The following SH2D5 variants were observed in gnomAD, a reference collection of about 807,000 sequenced individuals.
SH2D5 encodes the protein SH2 domain containing 5, also known as SH2 domain-containing protein 5.
Under a neutral mutation model 48.2 loss-of-function variants are expected in SH2D5, and 45 were observed. That is an observed-to-expected ratio of 0.93 (90% CI 0.73 to 1.20). The LOEUF (loss-of-function observed/expected upper bound fraction) is 1.20. Among genes scored for constraint, SH2D5 ranks in the 50% most tolerant of loss-of-function variants. The pLI is 0.00. For missense variants in SH2D5, 538 were observed against 584.1 expected, an observed-to-expected ratio of 0.92 and a Z score of 0.81; for synonymous variants, 230 against 249.8, an observed-to-expected ratio of 0.92 and a Z score of 0.75.
At chr1:20,722,636 CA>C in intron 9 of SH2D5, 119 bp downstream of exon 9, 1 of 1,073,986 alleles carries the variant, frequency 9.3e-7, no homozygotes, top group Non-Finnish European at 1.3e-6. Context: ...CAATGGGAGA[CA>C]GGGATGGGGG....
At chr1:20,723,837 T>G in intron 7 of SH2D5, 103 bp from the exon 8 acceptor site, 1 of 1,060,970 alleles carries the variant, frequency 9.4e-7, no homozygotes, top group Middle Eastern at 2.6e-4. Context: ...CAAGCCTCTC[T>G]ACCCTGCTCA....
At position 20,729,704 on chromosome 1, in the gene SH2D5, T is replaced by C. The variant is rs969324491; in HGVS notation, c.-42-1618A>G. On this transcript the variant is annotated intron_variant, in intron 1 of 9. Coordinates refer to ENST00000444387, the MANE Select transcript of SH2D5 (RefSeq NM_001103161.2). The surrounding 1 kb of genome is among the most constrained non-coding windows in gnomAD (Gnocchi z 4.2). ...TCCCACTCAAGGAGGAGGGCTGGGG[T>C]GCTTTGGAACTGACTCTGTTAGCAC... Among the ~76,000 whole-genome samples, 1 of 151,568 alleles carries C rather than the reference T, an allele frequency of 6.6e-6. No homozygotes were observed. The highest frequency in any genetic ancestry group is 6.6e-5 in the Admixed American group (1 of 15,176).
chr1:20,726,070 G>T lies in SH2D5; in HGVS notation c.244-4C>A. The stretch of plus-strand genomic sequence containing the variant: ...GGGCATGAGCCATCAGCAGCACCTG[G>T]CGAGGCAGCAGTGTGAGGCCCCCAT... On this transcript the variant is annotated splice_region_variant and splice_polypyrimidine_tract_variant and intron_variant, in intron 4 of 9. Transcript: ENST00000444387. 1 of 1,593,172 alleles carries T rather than the reference G, an allele frequency of 6.3e-7. No individual in the cohort carries two copies. The highest frequency in any genetic ancestry group is 8.5e-7 in the Non-Finnish European group (1 of 1,170,396).
At chr1:20,726,166 C>T (rs1000236633) in intron 4 of SH2D5, 100 bp from the exon 5 acceptor site, 8 of 1,391,758 alleles carry the variant, frequency 5.7e-6, no homozygotes, top group Non-Finnish European at 7.7e-6. Context: ...TCCTTCCAGG[C>T]CCGCCCAGTC....
rs996952058 is a variant in SH2D5, at chr1:20,727,324, G to T, written c.168+199C>A. ...ACATCTCCATCTGTGGCTTCCAGCT[G>T]TGGGGCCCAGGTCACAGTAGCCCAG... On this transcript the variant is annotated intron_variant, in intron 3 of 9. Transcript: ENST00000444387. The T allele has an allele frequency of 2.4e-5, 15 of 636,396 alleles. No individual in the cohort carries two copies. In the African/African-American group the frequency reaches 2.4e-4, roughly 10 times the overall value. 39.4% of individuals were successfully genotyped at this position (636,396 alleles called of 1,614,324 possible). A position where few individuals can be genotyped will look rare whatever the true frequency, so the allele number is the denominator to read the frequency against.
Position 20,727,983 on chromosome 1 carries a change from G to A in SH2D5, c.62C>T (p.Pro21Leu), listed in dbSNP as rs761263341. 1.3e-6 allele frequency: 2 copies of A among 1,572,338 alleles called. No homozygotes were observed. The highest frequency in any genetic ancestry group is 1.2e-5 in the South Asian group (1 of 85,650). ...CTGGGCAAACTTGGTGATGCACCTG[G>A]GCCGGTGAGGGGCCAGCCCGCAGTC... ...ASDCGLAPHR[P>L]RCITKFAQYV... The change falls in exon 2 of 10, where the codon CCC (proline) becomes CTC (leucine). Residue 21 changes from proline (P) to leucine (L), a missense_variant. By Grantham distance (98) the Pro-to-Leu change is moderately conservative (BLOSUM62 -3). Coordinates refer to ENST00000444387, the MANE Select transcript of SH2D5 (RefSeq NM_001103161.2).
chr1:20,721,919 G>A lies in SH2D5; in HGVS notation c.1145C>T (p.Pro382Leu). 6.2e-7 allele frequency: 1 copy of A among 1,613,220 alleles called. No individual in the cohort carries two copies. Among genetic ancestry groups the A allele is most frequent in the Non-Finnish European group, 8.5e-7 (1 of 1,179,996 alleles). The change falls in exon 10 of 10, where the codon CCC becomes CTC. Residue 382 changes from proline to leucine, a missense_variant. Coordinates refer to ENST00000444387, the MANE Select transcript of SH2D5 (RefSeq NM_001103161.2). ...HAVTERSLFC[P>L]LDMGRLNPTY... ...GGGGTTCAGGCGGCCCATGTCGAGG[G>A]GACAGAAGAGGCTACGTTCAGTAAC...
In SH2D5 at chr1:20,729,962, C is replaced by T. The variant is rs2054875595; in HGVS notation, c.-42-1876G>A. On this transcript the variant is annotated intron_variant, in intron 1 of 9. Coordinates refer to ENST00000444387, the MANE Select transcript of SH2D5 (RefSeq NM_001103161.2). The surrounding 1 kb of genome is among the most constrained non-coding windows in gnomAD (Gnocchi z 4.2). ...GATCATTTTCATGTCATATCCTTTA[C>T]CTACTGTATCTTTTATGTTTAAATA... Among the ~76,000 whole-genome samples, 1 of 152,216 alleles carries T rather than the reference C, an allele frequency of 6.6e-6. No homozygotes were observed. The highest frequency in any genetic ancestry group is 1.5e-5 in the Non-Finnish European group (1 of 68,038).
chr1:20,728,173 G>T lies in SH2D5; in HGVS notation c.-42-87C>A. The T allele has an allele frequency of 3.0e-6, 2 of 661,988 alleles. No individual in the cohort carries two copies. Among genetic ancestry groups the T allele is most frequent in the African/African-American group, 3.6e-5 (2 of 55,530 alleles). 41.0% of individuals were successfully genotyped at this position (661,988 alleles called of 1,614,324 possible). Reference sequence around the variant, plus strand: ...CAGGCCATTCATTCACTGGCTTCCTGAGCAGCTGCTATGTGTGCAGCACGG... The same window carrying T: ...CAGGCCATTCATTCACTGGCTTCCTTAGCAGCTGCTATGTGTGCAGCACGG... On this transcript the variant is annotated intron_variant, in intron 1 of 9. Transcript: ENST00000444387. The surrounding 1 kb of genome is among the most constrained non-coding windows in gnomAD (Gnocchi z 4.3).
At chr1:20,726,884 C>T in intron 4 of SH2D5, 117 bp downstream of exon 4, 1 of 835,306 alleles carries the variant, frequency 1.2e-6, no homozygotes, top group Non-Finnish European at 1.8e-6. Flanking sequence ...CCAGGGGGAC[C>T]CCAGGGGAAG....
rs2054929783 is a variant in SH2D5 at position 20,732,604 on chromosome 1, A to C, written c.-466T>G. Reference sequence around the variant, plus strand: ...TGAAGGATCGAGCCTGGCTCGGAGGAGGCGCTCAGGGTGGTTCGGGCCCGG... The same window carrying C: ...TGAAGGATCGAGCCTGGCTCGGAGGCGGCGCTCAGGGTGGTTCGGGCCCGG... On this transcript the variant is annotated 5_prime_UTR_variant, in exon 1 of 10. Transcript: ENST00000444387. This position sits in a 1 kb window ranked among gnomAD's most constrained non-coding sequence, Gnocchi z 5.1. The C allele has an allele frequency of 6.6e-6, 1 of 152,034 alleles. No individual in the cohort carries two copies. Among genetic ancestry groups the C allele is most frequent in the Non-Finnish European group, 1.5e-5 (1 of 68,038 alleles). The allele number at this position is 152,034 out of a possible 1,614,324, so 9.4% of individuals were successfully genotyped here. A position where few individuals can be genotyped will look rare whatever the true frequency, so the allele number is the denominator to read the frequency against.
chr1:20,726,898 G>A (rs542653261), intron 4 of SH2D5, 103 bp downstream of exon 4: 18 of 980,050 alleles, frequency 1.8e-5, no homozygotes, highest in South Asian at 4.4e-5. Context: ...GGGGAAGCAC[G>A]GGGGCCGAGC....
At chr1:20,724,685 C>A in intron 5 of SH2D5, 50 bp from the exon 6 acceptor site, 2 of 1,476,114 alleles carry the variant, frequency 1.4e-6, no homozygotes, top group Admixed American at 4.5e-5. Flanking sequence ...TCTCCATCTC[C>A]CAGTGAACTC....
intron 1 of SH2D5, among the ~76,000 whole-genome samples, chr1:20,730,383 C>T (rs993993434): frequency 1.6e-4 from 24 of 152,062 alleles, no homozygotes; most frequent in Admixed American, 5.2e-4. Flanking sequence ...CACACTCACA[C>T]GCGCACACAG....
At chr1:20,723,520 G>A in intron 8 of SH2D5, 106 bp downstream of exon 8, 1 of 816,564 alleles carries the variant, frequency 1.2e-6, no homozygotes, top group South Asian at 1.7e-5. Context: ...GAGGTTGGGA[G>A]CGCTCTGCCC....
Position 20,727,605 on chromosome 1 carries a change from T to C in SH2D5, c.88-2A>G. On this transcript the variant is annotated splice_acceptor_variant, in intron 2 of 9. Transcript: ENST00000444387. LOFTEE classifies it high-confidence loss of function. ...ATCCACAGGGAAGGAGCCCACGTAC[T>C]GCTCGGCAGTGGGGTGAAGGGAGTA... 1 of 1,606,238 alleles carries C rather than the reference T, an allele frequency of 6.2e-7. No individual in the cohort carries two copies. The highest frequency in any genetic ancestry group is 8.5e-7 in the Non-Finnish European group (1 of 1,176,980).
At chr1:20,723,266 A>G (rs1470905774) in intron 8 of SH2D5, among the ~76,000 whole-genome samples, 1 of 152,248 alleles carries the variant, frequency 6.6e-6, no homozygotes, top group Non-Finnish European at 1.5e-5. Flanking sequence ...AGAAGCTTTT[A>G]GAAGCTTAGA....
At chr1:20,730,185 C>CGGACGATGGA (rs2054878956) in intron 1 of SH2D5, among the ~76,000 whole-genome samples, 1 of 151,590 alleles carries the variant, frequency 6.6e-6, no homozygotes, top group South Asian at 2.1e-4. Context: ...AGGGAAGGTA[C>CGGACGATGGA]GGACGATGGA....
chr1:20,721,641 C>G lies in SH2D5; in HGVS notation c.*151G>C, dbSNP rs2054686379. The G allele has an allele frequency of 2.9e-6, 2 of 687,348 alleles. No individual in the cohort carries two copies. The highest frequency in any genetic ancestry group is 6.3e-5 in the Admixed American group (2 of 31,816). 42.6% of individuals were successfully genotyped at this position (687,348 alleles called of 1,614,324 possible). On this transcript the variant is annotated 3_prime_UTR_variant, in exon 10 of 10. Transcript: ENST00000444387. ...TGGCGATACCCACCCTCAGGGCTCC[C>G]CTCCCACGGACAGTGACGCGATGGA...
Sources: allele counts gnomAD v4.1 joint callset (sites outside exome capture counted in the v4.1 genomes callset), GRCh38; gene constraint gnomAD v4.1.1; non-coding constraint Gnocchi (gnomAD v3.1); transcripts MANE v1.5; gene names NCBI Gene and HGNC (gene_info 2026-07-23, HGNC 2026-07-21).